MIPOL1: variants seen among roughly 807,000 people sequenced by gnomAD.
MIPOL1 encodes mirror-image polydactyly 1, also known as mirror-image polydactyly gene 1 protein.
In MIPOL1, 57 loss-of-function variants were observed where a neutral mutation model predicts 60.9. That is an observed-to-expected ratio of 0.94 (90% CI 0.76 to 1.17). MIPOL1 has a LOEUF of 1.17. Ranked by LOEUF, MIPOL1 falls within the 50% of genes most tolerant of loss-of-function variation. MIPOL1 has a pLI of 0.00. For synonymous variants in MIPOL1, 179 were observed against 168.8 expected (o/e 1.06, Z -0.47); for missense variants, 551 against 511.6 (o/e 1.08, Z -0.74).
At chr14:37,242,596 T>C (rs1255433654) in intron 1 of MIPOL1, among the ~76,000 whole-genome samples, 1 of 152,186 alleles carries the variant, frequency 6.6e-6, no homozygotes, top group African/African-American at 2.4e-5. Context: ...AGTTCTCTAT[T>C]GACGGACATT....
intron 7 of MIPOL1, among the ~76,000 whole-genome samples, chr14:37,287,697 A>C (rs1186163696): frequency 6.6e-6 from 1 of 152,178 alleles, no homozygotes; most frequent in African/African-American, 2.4e-5. Flanking sequence ...AGCTATATTA[A>C]TTTTCTAAAA....
At chr14:37,210,058 A>G (rs1966682791) in intron 1 of MIPOL1, among the ~76,000 whole-genome samples, 1 of 152,034 alleles carries the variant, frequency 6.6e-6, no homozygotes, top group Non-Finnish European at 1.5e-5. Context: ...ATTTAATAAT[A>G]TCTTGTATGT....
chr14:37,327,719 C>A (rs1379198129), intron 9 of MIPOL1, among the ~76,000 whole-genome samples: 1 of 152,094 alleles, frequency 6.6e-6, no homozygotes, highest in Non-Finnish European at 1.5e-5. Context: ...GACAGTGTTA[C>A]CAAAATAGTG....
intron 11 of MIPOL1, among the ~76,000 whole-genome samples, chr14:37,474,678 A>G (rs767137494): frequency 1.4e-4 from 21 of 152,194 alleles, no homozygotes; most frequent in Non-Finnish European, 2.2e-4. Context: ...ACATATGGTA[A>G]GGCTATATTT....
At chr14:37,494,950 T>G (rs935187886) in intron 11 of MIPOL1, among the ~76,000 whole-genome samples, 2 of 152,004 alleles carry the variant, frequency 1.3e-5, no homozygotes, top group Non-Finnish European at 2.9e-5. Flanking sequence ...CATGTCCATC[T>G]GAGAGAAAAA....
intron 9 of MIPOL1, among the ~76,000 whole-genome samples, chr14:37,327,802 T>C (rs2089309905): frequency 6.6e-6 from 1 of 152,068 alleles, no homozygotes; most frequent in African/African-American, 2.4e-5. Context: ...TCTTAAAGAG[T>C]ATTTTTAATA....
rs1391402559 is a variant in MIPOL1, at chr14:37,548,526, T to G, written c.*1555T>G. 1 of 152,024 alleles carries G rather than the reference T, an allele frequency of 6.6e-6. No individual in the cohort carries two copies. The highest frequency in any genetic ancestry group is 1.5e-5 in the Non-Finnish European group (1 of 67,884). The allele number at this position is 152,024 out of a possible 1,614,324, so 9.4% of individuals were successfully genotyped here. A position where few individuals can be genotyped will look rare whatever the true frequency, so the allele number is the denominator to read the frequency against. ...CTCTCATAGACCAATGACTCTATAA[T>G]AGAGAAATATGTAATGATTTGGTCA... On this transcript the variant is annotated 3_prime_UTR_variant, in exon 13 of 13. Coordinates refer to ENST00000684589, the MANE Select transcript of MIPOL1 (RefSeq NM_001388067.1).
intron 11 of MIPOL1, among the ~76,000 whole-genome samples, chr14:37,475,656 G>A (rs555286400): frequency 6.6e-6 from 1 of 151,914 alleles, no homozygotes; most frequent in South Asian, 2.1e-4. Context: ...AATTGTTCCA[G>A]CACTATTTGT....
intron 7 of MIPOL1, among the ~76,000 whole-genome samples, chr14:37,293,643 G>A (rs553557217): frequency 1.3e-5 from 2 of 152,216 alleles, no homozygotes; most frequent in Admixed American, 6.5e-5. Flanking sequence ...CTTATCAAAC[G>A]GCACACCAGG....
At chr14:37,359,209 C>A (rs1055927455) in intron 9 of MIPOL1, among the ~76,000 whole-genome samples, 26 of 152,182 alleles carry the variant, frequency 1.7e-4, no homozygotes, top group African/African-American at 6.0e-4. Context: ...GTTTCGGTAC[C>A]AGTACCGTGC....
intron 11 of MIPOL1, among the ~76,000 whole-genome samples, chr14:37,445,213 G>T (rs1392174245): frequency 6.6e-6 from 1 of 151,656 alleles, no homozygotes; most frequent in East Asian, 1.9e-4. Context: ...AAGCTGATAA[G>T]CAACTTCAGC....
intron 10 of MIPOL1, among the ~76,000 whole-genome samples, chr14:37,415,786 A>G (rs1390241072): frequency 6.6e-6 from 1 of 152,154 alleles, no homozygotes; most frequent in South Asian, 2.1e-4. Flanking sequence ...GTGATGTAAC[A>G]TTTTCCTCAT....
intron 3 of MIPOL1, among the ~76,000 whole-genome samples, chr14:37,255,518 G>A (rs2153369178): frequency 6.6e-6 from 1 of 151,754 alleles, no homozygotes; most frequent in Non-Finnish European, 1.5e-5. Context: ...AAAATCTTTT[G>A]GAGGAGTTCA....
chr14:37,346,434 C>A (rs1198346535), intron 9 of MIPOL1, among the ~76,000 whole-genome samples: 1 of 152,152 alleles, frequency 6.6e-6, no homozygotes, highest in Non-Finnish European at 1.5e-5. Context: ...GCCATGGAAA[C>A]AACCCAAATA....
At chr14:37,382,983 T>A (rs1417634941) in intron 10 of MIPOL1, among the ~76,000 whole-genome samples, 6 of 151,826 alleles carry the variant, frequency 4.0e-5, no homozygotes, top group Admixed American at 2.0e-4. Context: ...AATTTTTTTT[T>A]AAGAATATAT....
intron 12 of MIPOL1, among the ~76,000 whole-genome samples, chr14:37,535,159 T>C (rs1460611009): frequency 6.6e-6 from 1 of 152,164 alleles, no homozygotes; most frequent in Non-Finnish European, 1.5e-5. Flanking sequence ...CCTTAGTAGG[T>C]ATTAATTGAT....
rs557368746 is a variant in MIPOL1, at chr14:37,349,284, G to T, written c.829-20233G>T. ...ATAACGGGCGTGAGCCACTGCACCC[G>T]GCCACTGTGTCTATTCTTAACAGCA... On this transcript the variant is annotated intron_variant, in intron 9 of 12. Transcript: ENST00000684589. 3.1e-3 allele frequency among the ~76,000 whole-genome samples: 467 copies of T among 152,112 alleles called. 3 individuals are homozygous for T. The highest frequency in any genetic ancestry group is 9.6e-3 in the African/African-American group (397 of 41,502).
chr14:37,404,502 A>G (rs183229339), intron 10 of MIPOL1, among the ~76,000 whole-genome samples: 70 of 152,328 alleles, frequency 4.6e-4, no homozygotes, highest in Middle Eastern at 6.8e-3. Flanking sequence ...GTTGGCAGTG[A>G]CATTTGAAAT....
chr14:37,217,024 A>G (rs986405680), intron 1 of MIPOL1, among the ~76,000 whole-genome samples: 4 of 152,196 alleles, frequency 2.6e-5, no homozygotes, highest in Non-Finnish European at 5.9e-5. Context: ...ACAAAACTTT[A>G]GTCAGACTAA....
Sources: gnomAD v4.1 joint callset for allele counts (sites outside exome capture counted in the v4.1 genomes callset) on GRCh38, gnomAD v4.1.1 for gene constraint, MANE v1.5 for transcripts, NCBI Gene and HGNC (gene_info 2026-07-23, HGNC 2026-07-21) for gene names.